VPS13D: variants seen among roughly 807,000 people sequenced by gnomAD.
VPS13D encodes vacuolar protein sorting 13 homolog D, also known as intermembrane lipid transfer protein VPS13D.
VPS13D carries 187 observed loss-of-function variants against 461.9 expected under a neutral mutation model. The observed-to-expected ratio is 0.40, with a 90% CI of 0.36 to 0.46. The LOEUF (loss-of-function observed/expected upper bound fraction) is 0.46. VPS13D is among the 20% of genes least tolerant of loss of function. VPS13D has a pLI of 0.60. For missense variants in VPS13D, 4,711 were observed against 5,364.9 expected (o/e 0.88, Z 3.81); for synonymous variants, 1,951 against 1,986.3 (o/e 0.98, Z 0.47).
intron 5 of VPS13D, 72 bp downstream of exon 5, chr1:12,244,689 T>C: frequency 7.0e-7 from 1 of 1,431,330 alleles, no homozygotes; most frequent in Non-Finnish European, 9.8e-7. Flanking sequence ...GTTTCTCCTC[T>C]TAGTTTCTCA....
At chr1:12,442,970 A>G (rs1419788142) in intron 65 of VPS13D, among the ~76,000 whole-genome samples, 1 of 152,258 alleles carries the variant, frequency 6.6e-6, no homozygotes, top group Non-Finnish European at 1.5e-5. Flanking sequence ...AAATTGTAGA[A>G]GAGTTGATCA....
chr1:12,341,946 C>A, intron 41 of VPS13D, 61 bp downstream of exon 41: 1 of 1,523,714 alleles, frequency 6.6e-7, no homozygotes. Flanking sequence ...CTTGTGCCAG[C>A]CCAGTAGAGC....
intron 65 of VPS13D, among the ~76,000 whole-genome samples, chr1:12,419,797 A>G (rs541780811): frequency 6.6e-6 from 1 of 152,298 alleles, no homozygotes; most frequent in South Asian, 2.1e-4. Context: ...GCTTAACATC[A>G]GGGATACATT....
At chr1:12,428,059 G>T (rs995123510) in intron 65 of VPS13D, among the ~76,000 whole-genome samples, 1 of 152,350 alleles carries the variant, frequency 6.6e-6, no homozygotes, top group Middle Eastern at 3.4e-3. Context: ...GGCGGAGGAT[G>T]GTAGGGAGAA....
At chr1:12,298,500 C>T (rs1269221588) in intron 24 of VPS13D, among the ~76,000 whole-genome samples, 5 of 152,026 alleles carry the variant, frequency 3.3e-5, no homozygotes, top group African/African-American at 1.2e-4. Context: ...AATAGCTGGG[C>T]GTTGTGGCAC....
intron 61 of VPS13D, among the ~76,000 whole-genome samples, chr1:12,400,575 T>C (rs1172360660): frequency 6.6e-6 from 1 of 152,262 alleles, no homozygotes; most frequent in East Asian, 1.9e-4. Flanking sequence ...GAGTCCATAT[T>C]CATCAGAGTG....
chr1:12,448,762 G>A (rs998986406), intron 65 of VPS13D, among the ~76,000 whole-genome samples: 1 of 152,140 alleles, frequency 6.6e-6, no homozygotes, highest in Non-Finnish European at 1.5e-5. Flanking sequence ...TTACTTTATA[G>A]CATACTCCAC....
At chr1:12,400,965 C>T (rs1475376524) in intron 61 of VPS13D, among the ~76,000 whole-genome samples, 2 of 80,076 alleles carry the variant, frequency 2.5e-5, no homozygotes, top group Admixed American at 2.6e-4. Flanking sequence ...CGCGCGCGCA[C>T]ACACACACAC....
chr1:12,404,041 TTTG>T, intron 63 of VPS13D, 68 bp downstream of exon 63: 2 of 1,434,042 alleles, frequency 1.4e-6, no homozygotes, highest in South Asian at 1.5e-5. Flanking sequence ...GTGTTTACTA[TTTG>T]TTGTTTGTTG....
rs187437420 is a variant in VPS13D at position 12,352,761 on chromosome 1, C to T, written c.9432-1213C>T. ...GGGGGATCACCTGAAGTCAGGAGTT[C>T]GAGACCAGCCTGACCAACATGGTAA... On this transcript the variant is annotated intron_variant, in intron 46 of 69. Coordinates refer to ENST00000620676, the MANE Select transcript of VPS13D (RefSeq NM_015378.4). 4.9e-3 allele frequency among the ~76,000 whole-genome samples: 745 copies of T among 151,882 alleles called. 3 individuals carry two copies. The highest frequency in any genetic ancestry group is 0.016 in the African/African-American group (674 of 41,428).
intron 63 of VPS13D, among the ~76,000 whole-genome samples, chr1:12,408,818 C>A (rs993964732): frequency 6.6e-6 from 1 of 152,216 alleles, no homozygotes; most frequent in Non-Finnish European, 1.5e-5. Flanking sequence ...CTTCCCTGTT[C>A]TTGACATCTG....
intron 57 of VPS13D, 57 bp from the exon 58 acceptor site, chr1:12,382,919 T>C: frequency 6.6e-7 from 1 of 1,522,468 alleles, no homozygotes; most frequent in Non-Finnish European, 8.9e-7. Flanking sequence ...ATGTGTTAAC[T>C]TGTCAAAGTC....
chr1:12,416,473 G>A (rs1644795437), intron 64 of VPS13D, among the ~76,000 whole-genome samples, 187 bp from the exon 65 acceptor site: 1 of 152,204 alleles, frequency 6.6e-6, no homozygotes, highest in East Asian at 1.9e-4. Context: ...GAGAAGCTTA[G>A]GTGGTGCTCC....
At chr1:12,401,075 A>G (rs898186050) in intron 61 of VPS13D, among the ~76,000 whole-genome samples, 1 of 152,054 alleles carries the variant, frequency 6.6e-6, no homozygotes, top group African/African-American at 2.4e-5. Context: ...TACCTAAGTT[A>G]CCACACTGTT....
At chr1:12,463,169 G>A (rs1476766398) in intron 67 of VPS13D, among the ~76,000 whole-genome samples, 1 of 152,128 alleles carries the variant, frequency 6.6e-6, no homozygotes, top group African/African-American at 2.4e-5. Flanking sequence ...CGTGATCATT[G>A]AGGCACAGCC....
intron 65 of VPS13D, among the ~76,000 whole-genome samples, chr1:12,455,531 C>A (rs987760730): frequency 2.6e-5 from 4 of 152,184 alleles, no homozygotes; most frequent in African/African-American, 9.7e-5. Context: ...TTGTATGCAT[C>A]CCCCAATTGG....
At chr1:12,351,214 A>G (rs1441499298) in intron 46 of VPS13D, among the ~76,000 whole-genome samples, 1 of 152,236 alleles carries the variant, frequency 6.6e-6, no homozygotes, top group African/African-American at 2.4e-5. Flanking sequence ...CCTAATACCA[A>G]AACCTGATAC....
chr1:12,423,412 C>G (rs2100266794), intron 65 of VPS13D, among the ~76,000 whole-genome samples: 1 of 152,230 alleles, frequency 6.6e-6, no homozygotes, highest in African/African-American at 2.4e-5. Flanking sequence ...AAATAAAAAG[C>G]AAACCAAACA....
chr1:12,291,210 CT>C (rs1319754230), intron 23 of VPS13D, 86 bp downstream of exon 23: 8 of 1,482,842 alleles, frequency 5.4e-6, no homozygotes, highest in Non-Finnish European at 7.2e-6. Flanking sequence ...ATAAAGAAAA[CT>C]TTTAAAAATT....
Sources: gnomAD v4.1 joint callset for allele counts (sites outside exome capture counted in the v4.1 genomes callset) on GRCh38, gnomAD v4.1.1 for gene constraint, MANE v1.5 for transcripts, NCBI Gene and HGNC (gene_info 2026-07-23, HGNC 2026-07-21) for gene names.